The following MYOF variants were observed in gnomAD, a reference collection of about 807,000 sequenced individuals.
The protein encoded by MYOF is fer-1-like 3, myoferlin.
In MYOF, 244 loss-of-function variants were observed where a neutral mutation model predicts 284.2. The ratio of observed to expected loss-of-function variants is 0.86; its 90% CI spans 0.77 to 0.95. MYOF has a LOEUF of 0.95. MYOF is among the 40% of genes least tolerant of loss of function. The pLI, the probability that MYOF is intolerant of heterozygous loss-of-function variation, is 0.00. For synonymous variants in MYOF, 904 were observed against 919.7 expected (o/e 0.98, Z 0.31); for missense variants, 2,496 against 2,560.6 (o/e 0.97, Z 0.54).
rs187223640 is a variant in MYOF at position 93,336,061 on chromosome 10, C to T, written c.4438-15G>A. ...CAATTATATATCTGAAAACCACCAA[C>T]AGAGTCTTAATTTCTCATTAAAATG... On this transcript the variant is annotated splice_polypyrimidine_tract_variant and intron_variant, in intron 40 of 53. Transcript: ENST00000359263. The T allele has an allele frequency of 1.1e-3, 1,700 of 1,611,770 alleles. 9 individuals are homozygous for T. Among genetic ancestry groups the T allele is most frequent in the Middle Eastern group, 9.6e-3 (58 of 6,046 alleles).
At chr10:93,410,278 T>G (rs920395197) in intron 5 of MYOF, among the ~76,000 whole-genome samples, 9 of 152,152 alleles carry the variant, frequency 5.9e-5, no homozygotes, top group African/African-American at 2.2e-4. Context: ...AAGGTGATCA[T>G]CTTGCTCTTC....
chr10:93,333,182 G>C (rs571442108), intron 43 of MYOF, 39 bp downstream of exon 43: 1 of 1,532,366 alleles, frequency 6.5e-7, no homozygotes, highest in Non-Finnish European at 9.0e-7. Flanking sequence ...GTTCCGTGGA[G>C]AAATGAAGGC....
chr10:93,358,564 G>T (rs1434422591), intron 29 of MYOF, among the ~76,000 whole-genome samples: 1 of 152,170 alleles, frequency 6.6e-6, no homozygotes, highest in Non-Finnish European at 1.5e-5. Flanking sequence ...GTCCATCAAT[G>T]ATAGACTGGA....
At chr10:93,423,649 C>T (rs1848450896) in intron 5 of MYOF, among the ~76,000 whole-genome samples, 1 of 150,210 alleles carries the variant, frequency 6.7e-6, no homozygotes, top group East Asian at 2.0e-4. Context: ...CTGGCTAACA[C>T]GGTGAAACCC....
At chr10:93,437,987 T>C (rs924244106) in intron 3 of MYOF, among the ~76,000 whole-genome samples, 2 of 152,154 alleles carry the variant, frequency 1.3e-5, no homozygotes, top group African/African-American at 4.8e-5. Flanking sequence ...TGTGCTTCCT[T>C]ATGAAATCCA....
chr10:93,418,020 A>G (rs903290362), intron 5 of MYOF, among the ~76,000 whole-genome samples: 9 of 152,118 alleles, frequency 5.9e-5, no homozygotes, highest in Non-Finnish European at 2.9e-5. Flanking sequence ...GGCTAGTCTC[A>G]AGTGATCCCA....
intron 48 of MYOF, among the ~76,000 whole-genome samples, chr10:93,320,938 C>T (rs560816667): frequency 6.6e-6 from 1 of 152,174 alleles, no homozygotes; most frequent in South Asian, 2.1e-4. Context: ...AGCCTCATCT[C>T]GCATCTGTAA....
intron 53 of MYOF, 50 bp downstream of exon 53, chr10:93,309,970 A>G: frequency 6.2e-7 from 1 of 1,610,296 alleles, no homozygotes. Context: ...GAGAGGACCA[A>G]CTGCAACTCA....
chr10:93,374,770 G>C lies in MYOF; in HGVS notation c.2294C>G (p.Thr765Ser). Residue 765 changes from threonine to serine, a missense_variant, in exon 23 of 54, where the codon ACT becomes AGT. Transcript: ENST00000359263. The stretch of plus-strand genomic sequence containing the variant: ...GTAGTTTAAAAGTCCTACCTCTTCA[G>C]TCAGCTGCATTAATTTATCAAGCCA... ...EDWLDKLMQL[T>S]EEPQNSMPDI... is the part of the protein sequence containing the mutation. 6.2e-7 allele frequency: 1 copy of C among 1,613,592 alleles called. No homozygotes were observed. Among genetic ancestry groups the C allele is most frequent in the East Asian group, 2.2e-5 (1 of 44,874 alleles).
In MYOF at chr10:93,364,015, C is replaced by T. The variant is rs769327487; in HGVS notation, c.2814G>A (p.Glu938=). 2.4e-5 allele frequency: 38 copies of T among 1,614,080 alleles called. No homozygotes were observed. Among genetic ancestry groups the T allele is most frequent in the Admixed American group, 3.3e-5 (2 of 60,010 alleles). ...TCCAGTCGCCCCCGGGGTAGCGGCTCTCGTTCTGATAGACTTCATCAGTGA... is the reference window on the plus strand; with the variant it reads ...TCCAGTCGCCCCCGGGGTAGCGGCTTTCGTTCTGATAGACTTCATCAGTGA... ...TEFTDEVYQN[E]SRYPGGDWKP... is the part of the protein sequence containing the mutation. The change falls in exon 27 of 54, where the codon GAG becomes GAA. Residue 938 remains glutamate, a synonymous_variant. Coordinates refer to ENST00000359263, the MANE Select transcript of MYOF (RefSeq NM_013451.4).
rs562285385 is a variant in MYOF at position 93,333,390 on chromosome 10, G to A, written c.4720-78C>T. 9.8e-5 allele frequency: 121 copies of A among 1,229,832 alleles called. 3 individuals are homozygous for A. Among genetic ancestry groups the A allele is most frequent in the South Asian group, 7.0e-4 (58 of 82,718 alleles). 76.2% of individuals were successfully genotyped at this position (1,229,832 alleles called of 1,614,324 possible). On this transcript the variant is annotated intron_variant, in intron 42 of 53. Transcript: ENST00000359263. ...TCAAGTTCAGGGACAGACTCAGCTC[G>A]CCTCCACACCCACTCCCAGCTGATG...
chr10:93,367,441 T>G (rs1430474133), intron 25 of MYOF, among the ~76,000 whole-genome samples: 1 of 152,070 alleles, frequency 6.6e-6, no homozygotes, highest in African/African-American at 2.4e-5. Context: ...GGGGCCTGAT[T>G]AGGAAATTGG....
chr10:93,371,235 T>C (rs757034461), intron 24 of MYOF, among the ~76,000 whole-genome samples: 3 of 152,240 alleles, frequency 2.0e-5, no homozygotes, highest in African/African-American at 4.8e-5. Context: ...GAAAAATTCA[T>C]TGATATGGTT....
At chr10:93,311,977 A>C (rs765614195) in intron 51 of MYOF, among the ~76,000 whole-genome samples, 1 of 152,106 alleles carries the variant, frequency 6.6e-6, no homozygotes, top group African/African-American at 2.4e-5. Flanking sequence ...AGCACAAGGA[A>C]ATTTTGGGGG....
chr10:93,429,055 T>C (rs922639386), intron 4 of MYOF, among the ~76,000 whole-genome samples: 4 of 152,182 alleles, frequency 2.6e-5, no homozygotes, highest in Admixed American at 2.0e-4. Flanking sequence ...TGACCTCCAA[T>C]AGTGGAGTTG....
chr10:93,337,896 G>A lies in MYOF; in HGVS notation c.4356C>T (p.Asp1452=), dbSNP rs780250691. The change falls in exon 40 of 54, where the codon GAC becomes GAT. Residue 1452 remains aspartate (D), a synonymous_variant. Transcript: ENST00000359263. ...KLTEKEEEIV[D]WWSKFYASSG... ...AGGAAGCATAAAATTTACTCCACCA[G>A]TCCACGATTTCTTCCTCCTAAAGAC... 1 of 1,613,818 alleles carries A rather than the reference G, an allele frequency of 6.2e-7. No individual in the cohort carries two copies. The highest frequency in any genetic ancestry group is 1.3e-5 in the African/African-American group (1 of 74,980).
intron 53 of MYOF, among the ~76,000 whole-genome samples, chr10:93,307,396 CGCCAT>C (rs1460471070): frequency 2.6e-4 from 40 of 151,466 alleles, no homozygotes; most frequent in Non-Finnish European, 3.5e-4. Context: ...CCCAGGTTCA[CGCCAT>C]GCCATTCTCC....
In MYOF at chr10:93,310,641, C is replaced by T. The variant is rs1243727335; in HGVS notation, c.5892G>A (p.Gly1964=). Residue 1964 remains glycine (G), a splice_region_variant and synonymous_variant, in exon 52 of 54, where the codon GGG becomes GGA. Coordinates refer to ENST00000359263, the MANE Select transcript of MYOF (RefSeq NM_013451.4). The part of the protein sequence containing the change: ...AEKDGARVMA[G]KVEMTLEILN... ...GGATTTCCAATGTCATCTCCACTTTCCCCTTCAGTAAAGCAGAGCAGGTTA... is the reference window on the plus strand; with the variant it reads ...GGATTTCCAATGTCATCTCCACTTTTCCCTTCAGTAAAGCAGAGCAGGTTA... 2 of 1,614,128 alleles carry T rather than the reference C, an allele frequency of 1.2e-6. No homozygotes were observed. The highest frequency in any genetic ancestry group is 2.2e-5 in the South Asian group (2 of 91,084).
intron 53 of MYOF, among the ~76,000 whole-genome samples, chr10:93,308,959 G>A (rs948517222): frequency 1.3e-5 from 2 of 152,044 alleles, no homozygotes; most frequent in Non-Finnish European, 1.5e-5. Flanking sequence ...TGATTCACCC[G>A]CCTCGGCCTC....
Sources: allele counts gnomAD v4.1 joint callset (sites outside exome capture counted in the v4.1 genomes callset), GRCh38; gene constraint gnomAD v4.1.1; transcripts MANE v1.5; gene names NCBI Gene and HGNC (gene_info 2026-07-23, HGNC 2026-07-21).